The following KCNAB1 variants were observed in gnomAD, a reference collection of about 807,000 sequenced individuals.
KCNAB1 encodes the protein voltage-gated potassium channel subunit beta-1.
A neutral mutation model predicts 64.6 loss-of-function variants in KCNAB1; 35 were observed. That is an observed-to-expected ratio of 0.54 (90% confidence interval 0.41 to 0.72). The LOEUF (loss-of-function observed/expected upper bound fraction) is 0.72. Among genes scored for constraint, KCNAB1 ranks in the 30% least tolerant of loss-of-function variants. The pLI is 0.00. For missense variants in KCNAB1, 401 were observed against 512.9 expected (o/e 0.78, Z 2.11); for synonymous variants, 177 against 183.8 (o/e 0.96, Z 0.30).
In KCNAB1 at chr3:156,452,862, G is replaced by T; in HGVS notation, c.320-37G>T. On this transcript the variant is annotated intron_variant, in intron 2 of 13. Transcript: ENST00000490337. This position sits in a 1 kb window ranked among gnomAD's most constrained non-coding sequence, Gnocchi z 4.6. ...TTATTACGCACAATATTAGAAAAAT[G>T]ATGATGAATAATATGCAAATATTTA... 1 of 1,479,384 alleles carries T rather than the reference G, an allele frequency of 6.8e-7. No individual in the cohort carries two copies. The highest frequency in any genetic ancestry group is 1.4e-5 in the African/African-American group (1 of 71,480). The allele number at this position is 1,479,384 out of a possible 1,614,324, so 91.6% of individuals were successfully genotyped here.
At chr3:156,262,041 A>G (rs1407512604) in intron 1 of KCNAB1, among the ~76,000 whole-genome samples, 3 of 151,944 alleles carry the variant, frequency 2.0e-5, no homozygotes, top group African/African-American at 7.2e-5. Context: ...ATATAGAAAT[A>G]TTGATCTTAT....
At chr3:156,423,948 G>A (rs1420948563) in intron 2 of KCNAB1, among the ~76,000 whole-genome samples, 2 of 152,204 alleles carry the variant, frequency 1.3e-5, no homozygotes, top group Non-Finnish European at 2.9e-5. Context: ...GTGGTTGGAA[G>A]GATAGAAAGT....
intron 1 of KCNAB1, among the ~76,000 whole-genome samples, chr3:156,210,534 C>G (rs77232315): frequency 0.015 from 2,233 of 152,300 alleles, 37 homozygotes; most frequent in African/African-American, 0.039. Context: ...TCGCATCATC[C>G]ATTCATCTCT....
rs770882880 is a variant in KCNAB1 at position 156,120,830 on chromosome 3, G to C, written c.219G>C (p.Lys73Asn). The stretch of plus-strand genomic sequence containing the variant: ...AAGTGGAGATGAACTGGTACCTAAA[G>C]CTCTGCGACCTGTCCAGCGAGCACA... Reference protein sequence around the residue: ...LREVEMNWYLKLCDLSSEHTT... With the variant: ...LREVEMNWYLNLCDLSSEHTT... Residue 73 changes from lysine to asparagine, a missense_variant, in exon 1 of 14, where the codon AAG (lysine) becomes AAC (asparagine). By Grantham distance (94) the Lys-to-Asn change is moderately conservative (BLOSUM62 0). Transcript: ENST00000490337. 1.2e-6 allele frequency: 2 copies of C among 1,614,252 alleles called. No homozygotes were observed. Among genetic ancestry groups the C allele is most frequent in the Non-Finnish European group, 1.7e-6 (2 of 1,180,056 alleles).
Position 156,524,485 on chromosome 3 carries a change from T to C in KCNAB1, c.1081+538T>C, listed in dbSNP as rs76483271. 3.7e-3 allele frequency among the ~76,000 whole-genome samples: 556 copies of C among 152,206 alleles called. 26 individuals carry two copies. The East Asian group carries it at 0.07, about 19-fold the overall frequency. ...ACACGCGGCTGGGCACGGTGGCTCA[T>C]GCCTGTAATCCCAGCACTTTGGGAG... On this transcript the variant is annotated intron_variant, in intron 12 of 13. Coordinates refer to ENST00000490337, the MANE Select transcript of KCNAB1 (RefSeq NM_172160.3).
At chr3:156,517,945 C>G (rs1048490892) in intron 11 of KCNAB1, among the ~76,000 whole-genome samples, 19 of 152,210 alleles carry the variant, frequency 1.2e-4, no homozygotes, top group Admixed American at 1.2e-3. Context: ...AGTTAATTGC[C>G]TCCCTCAAAG....
intron 1 of KCNAB1, among the ~76,000 whole-genome samples, chr3:156,411,732 T>C (rs1714678722): frequency 6.6e-6 from 1 of 152,178 alleles, no homozygotes; most frequent in East Asian, 1.9e-4. Flanking sequence ...TCTGTTTCAT[T>C]TATATGTGCT....
intron 1 of KCNAB1, among the ~76,000 whole-genome samples, chr3:156,169,350 G>A (rs569344420): frequency 1.7e-4 from 26 of 152,298 alleles, no homozygotes; most frequent in African/African-American, 6.0e-4. Flanking sequence ...GAAACCATAT[G>A]CAATGTTATG....
chr3:156,315,199 T>C (rs1363348628), intron 1 of KCNAB1, among the ~76,000 whole-genome samples: 2 of 152,196 alleles, frequency 1.3e-5, no homozygotes, highest in Non-Finnish European at 2.9e-5. Context: ...CTTGTCTCAA[T>C]GGTGCTATGC....
chr3:156,400,755 C>G (rs1337782267), intron 1 of KCNAB1, among the ~76,000 whole-genome samples: 2 of 152,152 alleles, frequency 1.3e-5, no homozygotes, highest in Non-Finnish European at 2.9e-5. Flanking sequence ...CCCACTTTTT[C>G]ACCTAGTGAA....
intron 7 of KCNAB1, among the ~76,000 whole-genome samples, chr3:156,468,407 T>A (rs1291757529): frequency 6.6e-6 from 1 of 152,110 alleles, no homozygotes; most frequent in Non-Finnish European, 1.5e-5. Context: ...CCCCATTGTT[T>A]CCAAAGTCTT....
intron 2 of KCNAB1, among the ~76,000 whole-genome samples, chr3:156,440,820 T>C (rs1183853112): frequency 6.6e-6 from 1 of 152,158 alleles, no homozygotes; most frequent in African/African-American, 2.4e-5. Context: ...AGCTAATCCT[T>C]ATATGTAAAT....
intron 1 of KCNAB1, among the ~76,000 whole-genome samples, chr3:156,335,853 G>GGT (rs1553848761): frequency 1.5e-5 from 2 of 135,304 alleles, no homozygotes; most frequent in African/African-American, 5.4e-5. Flanking sequence ...AATTGTTTGG[G>GGT]TTTTTTTTTT....
At chr3:156,519,636 A>G (rs1433878136) in intron 11 of KCNAB1, among the ~76,000 whole-genome samples, 1 of 152,186 alleles carries the variant, frequency 6.6e-6, no homozygotes, top group Non-Finnish European at 1.5e-5. Flanking sequence ...CACAAAGACA[A>G]TCCTTGAGAA....
At chr3:156,186,267 T>C (rs1713185322) in intron 1 of KCNAB1, among the ~76,000 whole-genome samples, 1 of 152,248 alleles carries the variant, frequency 6.6e-6, no homozygotes, top group South Asian at 2.1e-4. Flanking sequence ...CCTATTTTTT[T>C]TCTGGGGAGA....
At chr3:156,423,108 T>G (rs530056481) in intron 2 of KCNAB1, among the ~76,000 whole-genome samples, 7 of 152,192 alleles carry the variant, frequency 4.6e-5, no homozygotes, top group African/African-American at 1.4e-4. Context: ...CCTGGGAGAA[T>G]GGAAAGAGAC....
In KCNAB1 at chr3:156,515,104, C is replaced by G. The variant is rs1181246396; in HGVS notation, c.749C>G (p.Ala250Gly). Residue 250 changes from alanine to glycine, a missense_variant, in exon 10 of 14, where the codon GCC (alanine) becomes GGC (glycine). By Grantham distance (60) the Ala-to-Gly change is moderately conservative. Coordinates refer to ENST00000490337, the MANE Select transcript of KCNAB1 (RefSeq NM_172160.3). ...TGTAATCTCATTCCTCCCTAGGAAG[C>G]CTATTCTGTAGCAAGACAGTTCAAT... is the stretch of plus-strand genomic sequence containing the variant. ...SRWSAMEIME[A>G]YSVARQFNMI... 7.5e-6 allele frequency: 12 copies of G among 1,605,048 alleles called. No individual in the cohort carries two copies. Among genetic ancestry groups the G allele is most frequent in the Non-Finnish European group, 1.0e-5 (12 of 1,176,580 alleles).
intron 1 of KCNAB1, among the ~76,000 whole-genome samples, chr3:156,355,862 A>G (rs1725196345): frequency 6.6e-6 from 1 of 152,120 alleles, no homozygotes; most frequent in Non-Finnish European, 1.5e-5. Flanking sequence ...AAGCCCTGTA[A>G]TCCTAGCACT....
chr3:156,141,925 G>C (rs1302725687), intron 1 of KCNAB1, among the ~76,000 whole-genome samples: 1 of 152,140 alleles, frequency 6.6e-6, no homozygotes, highest in Non-Finnish European at 1.5e-5. Flanking sequence ...AGCATTTAGT[G>C]TTATCACCAT....
Sources: allele counts gnomAD v4.1 joint callset (sites outside exome capture counted in the v4.1 genomes callset), GRCh38; gene constraint gnomAD v4.1.1; non-coding constraint Gnocchi (gnomAD v3.1); transcripts MANE v1.5; gene names NCBI Gene and HGNC (gene_info 2026-07-23, HGNC 2026-07-21).